EHBP1: variants seen among roughly 807,000 people sequenced by gnomAD.
EHBP1 encodes the protein EH domain-binding protein 1.
Under a neutral mutation model 144.0 loss-of-function variants are expected in EHBP1, and 55 were observed. That is an observed-to-expected ratio of 0.38 (90% CI 0.31 to 0.48). EHBP1 has a LOEUF of 0.48. Ranked by LOEUF, EHBP1 falls within the 20% of genes least tolerant of loss-of-function variation. EHBP1 has a pLI of 0.98. For synonymous variants in EHBP1, 469 were observed against 472.7 expected (o/e 0.99, Z 0.10); for missense variants, 1,200 against 1,364.2 (o/e 0.88, Z 1.90).
chr2:62,993,888 T>A lies in EHBP1; in HGVS notation c.2890T>A (p.Ser964Thr). 6.3e-7 allele frequency: 1 copy of A among 1,580,346 alleles called. No homozygotes were observed. Among genetic ancestry groups the A allele is most frequent in the Non-Finnish European group, 8.6e-7 (1 of 1,162,258 alleles). The change falls in exon 18 of 23, where the codon TCA becomes ACA. Residue 964 changes from serine to threonine, a missense_variant. Ser to Thr is a moderately conservative substitution (Grantham distance 58). Coordinates refer to ENST00000431489, the MANE Select transcript of EHBP1 (RefSeq NM_001142616.3). ...TTTTTAAGAGATGAAAAGGCAGAGA[T>A]CAATACAGGAAGATACAAAGAAAGG... ...ENRPEMKRQR[S>T]IQEDTKKGNE...
intron 1 of EHBP1, among the ~76,000 whole-genome samples, chr2:62,674,354 A>G (rs971636879): frequency 5.3e-5 from 8 of 152,254 alleles, no homozygotes; most frequent in African/African-American, 1.7e-4. Flanking sequence ...CAATATTTGA[A>G]GAGCTCCCAC....
At chr2:62,995,624 T>C (rs890075745) in intron 18 of EHBP1, among the ~76,000 whole-genome samples, 7 of 152,124 alleles carry the variant, frequency 4.6e-5, no homozygotes, top group African/African-American at 1.7e-4. Context: ...AATAATGTTA[T>C]AAGTGCTTAT....
chr2:62,763,347 G>A (rs1423921460), intron 3 of EHBP1, among the ~76,000 whole-genome samples: 1 of 151,928 alleles, frequency 6.6e-6, no homozygotes, highest in Non-Finnish European at 1.5e-5. Context: ...CACTCCTCCA[G>A]GGCCTAGAAC....
intron 10 of EHBP1, among the ~76,000 whole-genome samples, chr2:62,903,079 A>G (rs545323939): frequency 2.0e-5 from 3 of 152,308 alleles, no homozygotes; most frequent in African/African-American, 7.2e-5. Context: ...AAAAGAAGCA[A>G]AATGCACAGA....
At chr2:63,044,390 C>T (rs1243120625) in intron 21 of EHBP1, 3 of 151,656 alleles carry the variant, frequency 2.0e-5, no homozygotes, top group Non-Finnish European at 4.4e-5. Context: ...TGATTTGAAA[C>T]CACCCAGCAA....
chr2:62,948,606 G>T lies in EHBP1; in HGVS notation c.1760G>T (p.Gly587Val). ...GTATTTGTAAATGATAGCGGGGTTG[G>T]AGAGTCAGAAAGTGAGCATCAAACT... ...DSVFVNDSGV[G>V]ESESEHQTPD... The change falls in exon 13 of 23, where the codon GGA becomes GTA. Residue 587 changes from glycine (G) to valine (V), a missense_variant. Coordinates refer to ENST00000431489, the MANE Select transcript of EHBP1 (RefSeq NM_001142616.3). 1 of 1,613,944 alleles carries T rather than the reference G, an allele frequency of 6.2e-7. No individual in the cohort carries two copies.
chr2:62,856,346 A>G (rs1179453177), intron 7 of EHBP1, among the ~76,000 whole-genome samples: 1 of 152,172 alleles, frequency 6.6e-6, no homozygotes, highest in Non-Finnish European at 1.5e-5. Context: ...GGCATCTCCA[A>G]GCTTCCAGGT....
chr2:62,824,573 TG>T (rs1398162742), intron 5 of EHBP1, among the ~76,000 whole-genome samples: 1 of 152,044 alleles, frequency 6.6e-6, no homozygotes, highest in Admixed American at 6.6e-5. Context: ...TTGATTCAGT[TG>T]AGGATATTTG....
At chr2:62,984,861 C>G (rs2059122572) in intron 15 of EHBP1, among the ~76,000 whole-genome samples, 1 of 152,136 alleles carries the variant, frequency 6.6e-6, no homozygotes, top group Non-Finnish European at 1.5e-5. Flanking sequence ...ATACAGGAAC[C>G]TAGCACTGTA....
chr2:62,769,101 G>A (rs1415532635), intron 4 of EHBP1, among the ~76,000 whole-genome samples: 1 of 152,114 alleles, frequency 6.6e-6, no homozygotes, highest in East Asian at 1.9e-4. Flanking sequence ...ACCGGCACAA[G>A]ACAAGGATGC....
intron 10 of EHBP1, among the ~76,000 whole-genome samples, chr2:62,933,175 T>C (rs182109923): frequency 5.1e-4 from 78 of 151,944 alleles, no homozygotes; most frequent in Non-Finnish European, 4.0e-4. Context: ...ATAAATAATA[T>C]AGTATTTTCA....
rs544111825 is a variant in EHBP1 at position 63,026,580 on chromosome 2, A to G, written c.3104-10955A>G. Among the ~76,000 whole-genome samples, 115 of 152,320 alleles carry G rather than the reference A, an allele frequency of 7.5e-4. 1 individual carries two copies. Among genetic ancestry groups the G allele is most frequent in the Non-Finnish European group, 1.3e-3 (88 of 68,022 alleles). On this transcript the variant is annotated intron_variant, in intron 19 of 22. Transcript: ENST00000431489. ...CAAGTTCATATAGCTCTTAAAGAGC[A>G]TAGCTGGACTTGAATGTATCCTGAT...
chr2:62,695,278 T>C (rs1232634175), intron 1 of EHBP1, among the ~76,000 whole-genome samples: 2 of 152,088 alleles, frequency 1.3e-5, no homozygotes, highest in Non-Finnish European at 2.9e-5. Flanking sequence ...GGAGAATCAC[T>C]TGAGACCAGG....
intron 10 of EHBP1, among the ~76,000 whole-genome samples, chr2:62,908,637 T>G (rs2053977392): frequency 6.6e-6 from 1 of 152,214 alleles, no homozygotes; most frequent in African/African-American, 2.4e-5. Context: ...GTCAAAATAC[T>G]TCCTAATTTT....
chr2:62,968,951 C>G (rs1462044311), intron 14 of EHBP1, among the ~76,000 whole-genome samples: 1 of 152,166 alleles, frequency 6.6e-6, no homozygotes, highest in Non-Finnish European at 1.5e-5. Flanking sequence ...AAAGAGCAGC[C>G]AGACAACCAG....
At chr2:62,983,096 CAT>C (rs1398174224) in intron 15 of EHBP1, among the ~76,000 whole-genome samples, 3 of 152,292 alleles carry the variant, frequency 2.0e-5, no homozygotes, top group South Asian at 2.1e-4. Flanking sequence ...GTGTATTACA[CAT>C]GTTTTTTTCA....
intron 5 of EHBP1, among the ~76,000 whole-genome samples, chr2:62,797,359 A>T (rs567429323): frequency 2.0e-5 from 3 of 152,320 alleles, no homozygotes; most frequent in African/African-American, 7.2e-5. Flanking sequence ...ACTCCCATAG[A>T]GTGGTAATAA....
intron 3 of EHBP1, among the ~76,000 whole-genome samples, chr2:62,755,536 A>T (rs1252771248): frequency 2.0e-5 from 3 of 152,192 alleles, no homozygotes; most frequent in Non-Finnish European, 4.4e-5. Flanking sequence ...TAACCAGGTA[A>T]TAGGGTAGGT....
At chr2:62,831,228 C>A in intron 7 of EHBP1, 70 bp downstream of exon 7, 1 of 1,456,084 alleles carries the variant, frequency 6.9e-7, no homozygotes, top group East Asian at 2.5e-5. Context: ...TTCTCATTTC[C>A]CAGGAAAAAA....
Sources: allele counts gnomAD v4.1 joint callset (sites outside exome capture counted in the v4.1 genomes callset), GRCh38; gene constraint gnomAD v4.1.1; transcripts MANE v1.5; gene names NCBI Gene and HGNC (gene_info 2026-07-23, HGNC 2026-07-21).